The following SCPEP1 variants were observed in gnomAD, a reference collection of about 807,000 sequenced individuals.
SCPEP1 encodes serine carboxypeptidase 1.
Under a neutral mutation model 63.8 loss-of-function variants are expected in SCPEP1, and 51 were observed. That is an observed-to-expected ratio of 0.80 (90% CI 0.64 to 1.01). SCPEP1 has a LOEUF of 1.01. Ranked by LOEUF, SCPEP1 falls within the 50% of genes least tolerant of loss-of-function variation. SCPEP1 has a pLI of 0.00. For synonymous variants in SCPEP1, 204 were observed against 207.8 expected, an observed-to-expected ratio of 0.98 and a Z score of 0.16; for missense variants, 499 against 554.9, an observed-to-expected ratio of 0.90 and a Z score of 1.01.
At chr17:56,995,285 T>C (rs1031847337) in intron 7 of SCPEP1, 31 of 574,642 alleles carry the variant, frequency 5.4e-5, no homozygotes, top group Admixed American at 1.3e-4. Context: ...AATTTTCAAA[T>C]ATGCAGAAAT....
At chr17:57,002,874 CAAAAAA>C (rs59205865) in intron 12 of SCPEP1, among the ~76,000 whole-genome samples, 2 of 107,118 alleles carry the variant, frequency 1.9e-5, no homozygotes, top group Admixed American at 9.9e-5. Context: ...GACCCTGTCT[CAAAAAA>C]AAAAAAAAAA....
At chr17:56,995,718 G>A in intron 8 of SCPEP1, 83 bp downstream of exon 8, 1 of 1,471,324 alleles carries the variant, frequency 6.8e-7, no homozygotes, top group South Asian at 1.3e-5. Flanking sequence ...TGTCAAACTT[G>A]GAGTCTACAC....
intron 9 of SCPEP1, 59 bp from the exon 10 acceptor site, chr17:56,998,326 G>T (rs765134257): frequency 3.7e-4 from 301 of 824,646 alleles, no homozygotes; most frequent in Non-Finnish European, 5.3e-4. Context: ...AAAAAAAAAA[G>T]ATGTCCTCTT....
At chr17:56,989,195 A>G (rs1911312506) in intron 5 of SCPEP1, among the ~76,000 whole-genome samples, 1 of 152,214 alleles carries the variant, frequency 6.6e-6, no homozygotes, top group African/African-American at 2.4e-5. Context: ...GTCTCAGGAA[A>G]AAAATGAAAA....
chr17:57,000,951 C>T lies in SCPEP1; in HGVS notation c.1091C>T (p.Thr364Met), dbSNP rs755738485. The T allele has an allele frequency of 2.2e-5, 35 of 1,613,990 alleles. No homozygotes were observed. The highest frequency in any genetic ancestry group is 8.9e-5 in the East Asian group (4 of 44,888). Residue 364 changes from threonine to methionine, a missense_variant, in exon 11 of 13, where the codon ACG becomes ATG. Thr to Met is a moderately conservative substitution (Grantham distance 81). Transcript: ENST00000262288. ...DELLEAGINVTVYNGQLDLIV... is the reference protein window; with the variant it reads ...DELLEAGINVMVYNGQLDLIV... ...TTGCTGGAGGCAGGGATCAACGTGA[C>T]GGTGTATAATGGACAGCTGGATCTC...
intron 3 of SCPEP1, among the ~76,000 whole-genome samples, chr17:56,986,536 G>T (rs1016671349): frequency 7.3e-5 from 10 of 136,632 alleles, no homozygotes; most frequent in African/African-American, 2.1e-4. Flanking sequence ...GTCTTTCTTT[G>T]TTTTTTTTTT....
chr17:56,999,590 A>G (rs1365957085), intron 10 of SCPEP1, among the ~76,000 whole-genome samples: 1 of 152,124 alleles, frequency 6.6e-6, no homozygotes, highest in African/African-American at 2.4e-5. Context: ...TCCTCTCCCA[A>G]CCTGCAGTCA....
At chr17:57,001,963 T>C (rs2144509112) in intron 11 of SCPEP1, 55 bp from the exon 12 acceptor site, 4 of 1,560,308 alleles carry the variant, frequency 2.6e-6, no homozygotes, top group Non-Finnish European at 3.5e-6. Flanking sequence ...CTAGACTTTT[T>C]TCCTATTCTA....
intron 12 of SCPEP1, among the ~76,000 whole-genome samples, chr17:57,004,248 G>T (rs981123134): frequency 3.3e-5 from 5 of 152,174 alleles, no homozygotes; most frequent in Admixed American, 6.5e-5. Flanking sequence ...AAATCAACTG[G>T]GCGCGGTGGC....
At chr17:56,979,006 T>C (rs1046602305) in intron 1 of SCPEP1, among the ~76,000 whole-genome samples, 2 of 152,228 alleles carry the variant, frequency 1.3e-5, no homozygotes, top group Non-Finnish European at 1.5e-5. Flanking sequence ...CTGCGCCTTA[T>C]CTGTCATTCT....
chr17:56,995,721 G>GA, intron 8 of SCPEP1, 86 bp downstream of exon 8: 2 of 1,423,322 alleles, frequency 1.4e-6, no homozygotes, highest in Non-Finnish European at 1.9e-6. Context: ...CAAACTTGGA[G>GA]TCTACACTGA....
In SCPEP1 at chr17:56,991,110, A is replaced by C; in HGVS notation, c.558A>C (p.Arg186=). The C allele has an allele frequency of 1.2e-6, 2 of 1,613,822 alleles. No individual in the cohort carries two copies. Among genetic ancestry groups the C allele is most frequent in the Non-Finnish European group, 1.7e-6 (2 of 1,179,752 alleles). The change falls in exon 6 of 13, where the codon CGA becomes CGC. Residue 186 remains arginine, a synonymous_variant. Transcript: ENST00000262288. The stretch of plus-strand genomic sequence containing the variant: ...GTTTCCTCTTTCAGGCCATTCAGCG[A>C]GGGACCATCAAGTGCAACTTTGCGG... ...IGLELYKAIQ[R]GTIKCNFAGV...
intron 6 of SCPEP1, among the ~76,000 whole-genome samples, chr17:56,994,493 A>G (rs143711018): frequency 1.3e-5 from 2 of 152,358 alleles, no homozygotes; most frequent in African/African-American, 4.8e-5. Context: ...AATTGGCAAT[A>G]TAGCCATTTG....
At chr17:56,992,836 C>T (rs976649102) in intron 6 of SCPEP1, among the ~76,000 whole-genome samples, 1 of 152,198 alleles carries the variant, frequency 6.6e-6, no homozygotes, top group Non-Finnish European at 1.5e-5. Flanking sequence ...CATTGTCTCT[C>T]CAAGATCAGT....
chr17:56,992,313 A>T (rs1275437432), intron 6 of SCPEP1, among the ~76,000 whole-genome samples: 2 of 152,188 alleles, frequency 1.3e-5, no homozygotes, highest in Non-Finnish European at 2.9e-5. Context: ...CTGAAGTAGC[A>T]TAAAACTGAG....
At chr17:56,983,855 C>G (rs1471152742) in intron 2 of SCPEP1, 1 of 151,702 alleles carries the variant, frequency 6.6e-6, no homozygotes, top group Admixed American at 6.6e-5. Flanking sequence ...TTTAGATTTC[C>G]CTACACAAAT....
chr17:56,987,310 T>C (rs1044250054), intron 3 of SCPEP1: 4 of 160,406 alleles, frequency 2.5e-5, no homozygotes, highest in African/African-American at 9.6e-5. Flanking sequence ...GTCCAGACTT[T>C]GAGTGTCCTC....
intron 3 of SCPEP1, among the ~76,000 whole-genome samples, chr17:56,985,875 C>T (rs1911200969): frequency 1.3e-5 from 2 of 152,058 alleles, no homozygotes. Context: ...TTCAATGTCT[C>T]TCTTGCTGCC....
At chr17:57,002,907 A>G (rs954000654) in intron 12 of SCPEP1, among the ~76,000 whole-genome samples, 1 of 151,918 alleles carries the variant, frequency 6.6e-6, no homozygotes, top group African/African-American at 2.4e-5. Context: ...ATTAAAAAAG[A>G]AATACTTAGG....
Sources: allele counts gnomAD v4.1 joint callset (sites outside exome capture counted in the v4.1 genomes callset), GRCh38; gene constraint gnomAD v4.1.1; transcripts MANE v1.5; gene names NCBI Gene and HGNC (gene_info 2026-07-23, HGNC 2026-07-21).